Variants in NTM observed in about 807,000 individuals in gnomAD.
The protein encoded by NTM is neurotrimin.
NTM carries 13 observed loss-of-function variants against 42.1 expected under a neutral mutation model. The observed-to-expected ratio is 0.31, with a 90% CI of 0.20 to 0.49. NTM has a LOEUF of 0.49. Among genes scored for constraint, NTM ranks in the 20% least tolerant of loss-of-function variants. The pLI is 0.99. For missense variants in NTM, 373 were observed against 452.8 expected, an observed-to-expected ratio of 0.82 and a Z score of 1.60; for synonymous variants, 187 against 179.2, an observed-to-expected ratio of 1.04 and a Z score of -0.35.
At chr11:132,321,822 C>T (rs569548830) in intron 7 of NTM, among the ~76,000 whole-genome samples, 24 of 149,774 alleles carry the variant, frequency 1.6e-4, no homozygotes, top group African/African-American at 3.0e-4. Context: ...AGACTAACAG[C>T]GGATCTCTCG....
At chr11:131,803,108 T>G (rs903173558) in intron 1 of NTM, among the ~76,000 whole-genome samples, 1 of 151,888 alleles carries the variant, frequency 6.6e-6, no homozygotes, top group Non-Finnish European at 1.5e-5. Context: ...TGAATGAGAT[T>G]TTCCCCCTAT....
chr11:131,642,904 G>T (rs532631686), intron 1 of NTM, among the ~76,000 whole-genome samples: 1 of 152,002 alleles, frequency 6.6e-6, no homozygotes, highest in Non-Finnish European at 1.5e-5. Context: ...TACCCAAAAC[G>T]TGAAGCCTTA....
intron 4 of NTM, among the ~76,000 whole-genome samples, chr11:132,249,500 T>C (rs538255868): frequency 6.6e-6 from 1 of 152,334 alleles, no homozygotes; most frequent in South Asian, 2.1e-4. Flanking sequence ...CCTTGTGTGA[T>C]GCCCAGAAGG....
Position 132,307,817 on chromosome 11 carries a change from G to A in NTM, c.655G>A (p.Val219Met). 1.2e-6 allele frequency: 2 copies of A among 1,614,050 alleles called. No individual in the cohort carries two copies. The highest frequency in any genetic ancestry group is 1.7e-6 in the Non-Finnish European group (2 of 1,179,968). ...CGTGGTACGGAGAGTAAAGGTCACC[G>A]TGAACTGTAAGTGTTCTCACCACCA... ...APVVRRVKVT[V>M]NYPPYISEAK... Residue 219 changes from valine to methionine, a missense_variant, in exon 5 of 9, where the codon GTG (valine) becomes ATG (methionine). Physicochemically the swap from Val to Met is conservative, Grantham distance 21 (BLOSUM62 1). This residue lies in a region of NTM where 312 missense variants were observed against 353.5 expected (regional missense o/e 0.88). Transcript: ENST00000683400.
chr11:131,609,168 C>T (rs1334594008), intron 1 of NTM, among the ~76,000 whole-genome samples: 2 of 152,196 alleles, frequency 1.3e-5, no homozygotes, highest in Admixed American at 6.5e-5. Context: ...CGGCTCTCTG[C>T]TTCTGTGCTC....
intron 2 of NTM, among the ~76,000 whole-genome samples, chr11:132,021,601 AT>A (rs1327573820): frequency 6.6e-6 from 1 of 152,140 alleles, no homozygotes; most frequent in Admixed American, 6.6e-5. Flanking sequence ...CTTCTTTGCT[AT>A]GCATGAACAG....
At chr11:131,428,237 G>A (rs949352886) in intron 1 of NTM, among the ~76,000 whole-genome samples, 27 of 152,120 alleles carry the variant, frequency 1.8e-4, no homozygotes, top group African/African-American at 4.8e-4. Flanking sequence ...CTGTTGGTAC[G>A]CCTGTCACTC....
At chr11:131,613,826 T>C (rs1166056983) in intron 1 of NTM, among the ~76,000 whole-genome samples, 1 of 152,070 alleles carries the variant, frequency 6.6e-6, no homozygotes, top group Non-Finnish European at 1.5e-5. Flanking sequence ...CTCCTAAAGC[T>C]GGCGGGAGCC....
intron 4 of NTM, among the ~76,000 whole-genome samples, chr11:132,235,106 G>T (rs181617994): frequency 1.5e-3 from 225 of 152,294 alleles, no homozygotes; most frequent in African/African-American, 5.0e-3. Context: ...TTCCCTAGTT[G>T]TCAATGGGAT....
chr11:131,711,299 C>A (rs555034314), intron 1 of NTM, among the ~76,000 whole-genome samples: 14 of 152,224 alleles, frequency 9.2e-5, no homozygotes, highest in East Asian at 7.7e-4. Flanking sequence ...AAACAAACAA[C>A]CCCATCAAAA....
chr11:131,997,358 G>T (rs916976969), intron 2 of NTM, among the ~76,000 whole-genome samples: 1 of 152,138 alleles, frequency 6.6e-6, no homozygotes, highest in African/African-American at 2.4e-5. Context: ...GATGACTCTG[G>T]CTTTTTCTGG....
chr11:131,711,658 G>A (rs1021148168), intron 1 of NTM, among the ~76,000 whole-genome samples: 2 of 151,946 alleles, frequency 1.3e-5, no homozygotes, highest in African/African-American at 4.8e-5. Context: ...TATAAATCAT[G>A]CTGCTATAAA....
intron 1 of NTM, among the ~76,000 whole-genome samples, chr11:131,587,050 C>G (rs759553292): frequency 2.7e-4 from 41 of 152,174 alleles, no homozygotes; most frequent in South Asian, 6.2e-4. Context: ...CCAGTACTAA[C>G]TACACCCAGT....
intron 2 of NTM, among the ~76,000 whole-genome samples, chr11:132,139,079 T>C (rs1321400126): frequency 6.6e-6 from 1 of 152,158 alleles, no homozygotes; most frequent in East Asian, 1.9e-4. Flanking sequence ...CTTTCCTTTA[T>C]GAATGGTTGG....
chr11:131,451,900 A>G (rs1367019253), intron 1 of NTM, among the ~76,000 whole-genome samples: 1 of 152,174 alleles, frequency 6.6e-6, no homozygotes, highest in Non-Finnish European at 1.5e-5. Flanking sequence ...GCTCTGGCCC[A>G]TGATGGCAGT....
At chr11:132,045,154 G>A (rs949479839) in intron 2 of NTM, among the ~76,000 whole-genome samples, 1 of 152,172 alleles carries the variant, frequency 6.6e-6, no homozygotes, top group Admixed American at 6.5e-5. Context: ...TTTCATATCA[G>A]GCTGTCTGTT....
intron 2 of NTM, among the ~76,000 whole-genome samples, chr11:131,988,024 T>A (rs1415812140): frequency 6.6e-6 from 1 of 152,176 alleles, no homozygotes; most frequent in Non-Finnish European, 1.5e-5. Context: ...TTCCTCACAG[T>A]CTGGAGGCTG....
At chr11:131,721,997 A>C (rs1266244818) in intron 1 of NTM, among the ~76,000 whole-genome samples, 1 of 110,826 alleles carries the variant, frequency 9.0e-6, no homozygotes, top group African/African-American at 4.5e-5. Context: ...ACTCTGTCTC[A>C]AAAAAAAAAA....
chr11:131,767,470 C>T (rs1008251671), intron 1 of NTM, among the ~76,000 whole-genome samples: 3 of 152,154 alleles, frequency 2.0e-5, no homozygotes, highest in African/African-American at 7.2e-5. Flanking sequence ...GAAACCCTAA[C>T]CCAACCCCCA....
Sources: gnomAD v4.1 joint callset for allele counts (sites outside exome capture counted in the v4.1 genomes callset) on GRCh38, gnomAD v4.1.1 for gene constraint, gnomAD v4.1.1 regional missense constraint, MANE v1.5 for transcripts, NCBI Gene and HGNC (gene_info 2026-07-23, HGNC 2026-07-21) for gene names.